SESN1: variants seen among roughly 807,000 people sequenced by gnomAD.
SESN1 encodes sestrin 1.
Under a neutral mutation model 59.3 loss-of-function variants are expected in SESN1, and 30 were observed. That is an observed-to-expected ratio of 0.51 (90% CI 0.38 to 0.69). The LOEUF (loss-of-function observed/expected upper bound fraction) is 0.69. SESN1 is among the 30% of genes least tolerant of loss of function. The pLI is 0.00. For missense variants in SESN1, 566 were observed against 673.0 expected, an observed-to-expected ratio of 0.84 and a Z score of 1.76; for synonymous variants, 197 against 219.9, an observed-to-expected ratio of 0.90 and a Z score of 0.92.
intron 1 of SESN1, among the ~76,000 whole-genome samples, chr6:109,076,461 C>T (rs994054803): frequency 3.9e-5 from 6 of 151,974 alleles, no homozygotes; most frequent in East Asian, 1.9e-4. Flanking sequence ...CTTTAAATTA[C>T]GAGGGTATTA....
chr6:109,036,328 T>C (rs1336607190), intron 1 of SESN1, among the ~76,000 whole-genome samples: 1 of 152,238 alleles, frequency 6.6e-6, no homozygotes, highest in Admixed American at 6.5e-5. Flanking sequence ...AGTGAAAAAG[T>C]AAGTTCAGAG....
chr6:109,093,912 T>TGAAA lies in SESN1; in HGVS notation c.158_161dup (p.Asn55PhefsTer11), dbSNP rs1394868107. 6.2e-7 allele frequency: 1 copy of TGAAA among 1,614,240 alleles called. No individual in the cohort carries two copies. Among genetic ancestry groups the TGAAA allele is most frequent in the Admixed American group, 1.7e-5 (1 of 60,024 alleles). On this transcript the variant is annotated frameshift_variant, in exon 1 of 10. Coordinates refer to ENST00000436639, the MANE Select transcript of SESN1 (RefSeq NM_014454.3). LOFTEE classifies it high-confidence loss of function. ...TCAACCCATCCGAAGACTCGGTATT[T>TGAAA]GAAAGCCCGTCTGATGGACGATGAG...
At chr6:109,065,230 T>C (rs1018059101) in intron 1 of SESN1, among the ~76,000 whole-genome samples, 6 of 151,964 alleles carry the variant, frequency 3.9e-5, no homozygotes, top group Admixed American at 2.0e-4. Context: ...AGAATCATTA[T>C]CACTATCAGT....
chr6:109,020,288 T>A (rs1194379829), intron 1 of SESN1, among the ~76,000 whole-genome samples: 1 of 152,212 alleles, frequency 6.6e-6, no homozygotes, highest in Non-Finnish European at 1.5e-5. Flanking sequence ...TCACCAACTC[T>A]TGGCAAAATA....
intron 1 of SESN1, among the ~76,000 whole-genome samples, chr6:109,074,204 A>G (rs1415606612): frequency 6.6e-6 from 1 of 152,200 alleles, no homozygotes; most frequent in African/African-American, 2.4e-5. Flanking sequence ...AGTACATTCT[A>G]TGATGTTTGC....
At chr6:109,068,633 G>C (rs1364891963) in intron 1 of SESN1, among the ~76,000 whole-genome samples, 1 of 151,300 alleles carries the variant, frequency 6.6e-6, no homozygotes, top group Non-Finnish European at 1.5e-5. Context: ...GGATAGAAGA[G>C]TAATTTGAGA....
intron 1 of SESN1, among the ~76,000 whole-genome samples, chr6:109,075,396 T>C (rs1156914487): frequency 6.6e-6 from 1 of 152,196 alleles, no homozygotes; most frequent in Non-Finnish European, 1.5e-5. Flanking sequence ...GTAAAAGTTA[T>C]GGGATGTTTT....
chr6:108,984,941 C>A lies in SESN1; in HGVS notation c.*2603G>T, dbSNP rs1779143627. 6.6e-6 allele frequency among the ~76,000 whole-genome samples: 1 copy of A among 152,114 alleles called. No individual in the cohort carries two copies. The highest frequency in any genetic ancestry group is 1.5e-5 in the Non-Finnish European group (1 of 68,034). On this transcript the variant is annotated 3_prime_UTR_variant, in exon 10 of 10. Transcript: ENST00000436639. ...TAGAGTTCTCACAAAGATATTCTGG[C>A]CCATATATTGTTAACTCAGCGTCTC...
intron 1 of SESN1, among the ~76,000 whole-genome samples, chr6:109,046,239 A>C: frequency 1.4e-5 from 2 of 144,006 alleles, no homozygotes; most frequent in South Asian, 2.5e-4. Context: ...GATTGCAGGC[A>C]CGCGCCGCCA....
At chr6:109,021,564 A>G (rs1279453133) in intron 1 of SESN1, among the ~76,000 whole-genome samples, 7 of 151,890 alleles carry the variant, frequency 4.6e-5, no homozygotes, top group African/African-American at 1.5e-4. Flanking sequence ...CAGCCTCGCA[A>G]TTAGCTGGGA....
At chr6:109,022,207 C>T (rs1172301947) in intron 1 of SESN1, among the ~76,000 whole-genome samples, 5 of 152,090 alleles carry the variant, frequency 3.3e-5, no homozygotes, top group African/African-American at 1.2e-4. Context: ...ATGCCTTAAG[C>T]TACAAAGGCA....
intron 5 of SESN1, among the ~76,000 whole-genome samples, chr6:108,995,071 A>C (rs565393467): frequency 6.6e-6 from 1 of 152,348 alleles, no homozygotes; most frequent in East Asian, 1.9e-4. Flanking sequence ...AATGAATAAA[A>C]AACTACTTTG....
At chr6:109,068,057 C>A (rs1019602937) in intron 1 of SESN1, among the ~76,000 whole-genome samples, 1 of 152,170 alleles carries the variant, frequency 6.6e-6, no homozygotes, top group Non-Finnish European at 1.5e-5. Flanking sequence ...TAGCTGCAGA[C>A]CTCACTGAGT....
At chr6:108,990,998 C>T (rs1166600048) in intron 7 of SESN1, among the ~76,000 whole-genome samples, 163 bp from the exon 8 acceptor site, 1 of 151,488 alleles carries the variant, frequency 6.6e-6, no homozygotes, top group East Asian at 1.9e-4. Flanking sequence ...TTTTTCAATT[C>T]CCATACTGCA....
chr6:109,077,490 G>A (rs1255820701), intron 1 of SESN1, among the ~76,000 whole-genome samples: 3 of 152,166 alleles, frequency 2.0e-5, no homozygotes, highest in East Asian at 3.8e-4. Flanking sequence ...CAGACAAAGT[G>A]CACAGATAGT....
Position 108,999,921 on chromosome 6 carries a change from G to T in SESN1, c.729+570C>A, listed in dbSNP as rs556104304. On this transcript the variant is annotated intron_variant, in intron 4 of 9. Transcript: ENST00000436639. ...TAGGTGAATGGATAAACAAACTATG[G>T]CATAACTATACAATAGAGAATTATT... 4.6e-5 allele frequency: 7 copies of T among 152,098 alleles called. No homozygotes were observed. In the East Asian group the frequency reaches 1.4e-3, roughly 29 times the overall value. 9.4% of individuals were successfully genotyped at this position (152,098 alleles called of 1,614,324 possible). A position where few individuals can be genotyped will look rare whatever the true frequency, so the allele number is the denominator to read the frequency against.
intron 1 of SESN1, among the ~76,000 whole-genome samples, chr6:109,008,403 A>T (rs1779779327): frequency 6.6e-6 from 1 of 152,248 alleles, no homozygotes; most frequent in African/African-American, 2.4e-5. Context: ...TATTATCTGT[A>T]AACAAGGAAC....
chr6:109,024,117 A>G (rs1004937376), intron 1 of SESN1, among the ~76,000 whole-genome samples: 14 of 152,108 alleles, frequency 9.2e-5, no homozygotes, highest in African/African-American at 2.9e-4. Context: ...TCTAGAACAA[A>G]TTAAAAAAAA....
chr6:108,991,939 T>C (rs910181915), intron 7 of SESN1, among the ~76,000 whole-genome samples: 3 of 152,198 alleles, frequency 2.0e-5, no homozygotes, highest in Admixed American at 2.0e-4. Context: ...GCTTAATTAT[T>C]GTCTAGTCTC....
Sources: allele counts gnomAD v4.1 joint callset (sites outside exome capture counted in the v4.1 genomes callset), GRCh38; gene constraint gnomAD v4.1.1; transcripts MANE v1.5; gene names NCBI Gene and HGNC (gene_info 2026-07-23, HGNC 2026-07-21).